Variants in ARPP21 observed in about 807,000 individuals in gnomAD.
ARPP21 encodes cAMP regulated phosphoprotein 21.
In ARPP21, 69 loss-of-function variants were observed where a neutral mutation model predicts 113.2. The observed-to-expected ratio is 0.61, with a 90% CI of 0.50 to 0.74. The LOEUF is 0.74. Among genes scored for constraint, ARPP21 ranks in the 30% least tolerant of loss-of-function variants. The probability of loss-of-function intolerance (pLI) is 0.00; values close to 1 mark genes in which losing one functional copy is unlikely to be tolerated. For synonymous variants in ARPP21, 368 were observed against 375.5 expected (o/e 0.98, Z 0.23); for missense variants, 1,070 against 1,037.4 (o/e 1.03, Z -0.43).
intron 15 of ARPP21, among the ~76,000 whole-genome samples, chr3:35,735,324 G>A (rs1293811374): frequency 6.6e-6 from 1 of 151,920 alleles, no homozygotes; most frequent in African/African-American, 2.4e-5. Context: ...GGTTGCCCAG[G>A]CTGGTCTTGA....
intron 19 of ARPP21, among the ~76,000 whole-genome samples, chr3:35,785,582 A>C (rs377591496): frequency 6.6e-6 from 1 of 152,164 alleles, no homozygotes; most frequent in African/African-American, 2.4e-5. Context: ...GGATAGTATA[A>C]TTGCAGTGAA....
intron 5 of ARPP21, chr3:35,684,253 GA>G: frequency 8.1e-7 from 1 of 1,236,772 alleles, no homozygotes; most frequent in Non-Finnish European, 1.0e-6. Flanking sequence ...TGAAACTTAG[GA>G]AATAGTGAAT....
intron 19 of ARPP21, among the ~76,000 whole-genome samples, chr3:35,767,843 A>G (rs1472472550): frequency 6.6e-6 from 1 of 152,052 alleles, no homozygotes; most frequent in African/African-American, 2.4e-5. Context: ...TGGTGGTACC[A>G]TCATAAAACC....
Position 35,739,580 on chromosome 3 carries a change from A to G in ARPP21, c.2010+3A>G. ...TGCAACAGCCTCCGCCTGCACAGGT[A>G]GGTGTGCTTCCTCATGCCTGTGACC... On this transcript the variant is annotated splice_donor_region_variant and intron_variant, in intron 18 of 20. Coordinates refer to ENST00000684406, the MANE Select transcript of ARPP21 (RefSeq NM_001385562.1). 1 of 1,607,342 alleles carries G rather than the reference A, an allele frequency of 6.2e-7. No homozygotes were observed. Among genetic ancestry groups the G allele is most frequent in the South Asian group, 1.1e-5 (1 of 90,042 alleles).
chr3:35,677,443 A>G (rs918642477), intron 1 of ARPP21, among the ~76,000 whole-genome samples: 5 of 151,936 alleles, frequency 3.3e-5, no homozygotes, highest in Admixed American at 2.0e-4. Context: ...TCTAAACTAA[A>G]GAAATAAGAA....
At chr3:35,693,762 ACTTC>A (rs1363855266) in intron 9 of ARPP21, among the ~76,000 whole-genome samples, 1 of 151,602 alleles carries the variant, frequency 6.6e-6, no homozygotes, top group Non-Finnish European at 1.5e-5. Context: ...AACCATATTA[ACTTC>A]AAAATATTTC....
At chr3:35,653,973 A>G (rs531988753) in intron 1 of ARPP21, among the ~76,000 whole-genome samples, 1 of 152,164 alleles carries the variant, frequency 6.6e-6, no homozygotes, top group African/African-American at 2.4e-5. Flanking sequence ...TAAAGTGTCA[A>G]CAAGATATAT....
At chr3:35,666,916 T>C (rs928915652) in intron 1 of ARPP21, among the ~76,000 whole-genome samples, 2 of 152,202 alleles carry the variant, frequency 1.3e-5, no homozygotes, top group African/African-American at 2.4e-5. Flanking sequence ...TCTACCCACC[T>C]GAATTGCCAC....
rs150925636 is a variant in ARPP21 at position 35,749,385 on chromosome 3, C to T, written c.2137+5420C>T. 6.8e-3 allele frequency among the ~76,000 whole-genome samples: 951 copies of T among 140,100 alleles called. 14 individuals are homozygous for T. The highest frequency in any genetic ancestry group is 0.025 in the African/African-American group (917 of 36,344). 91.9% of individuals were successfully genotyped at this position (140,100 alleles called of 152,430 possible). A position where few individuals can be genotyped will look rare whatever the true frequency, so the allele number is the denominator to read the frequency against. On this transcript the variant is annotated intron_variant, in intron 19 of 20. Transcript: ENST00000684406. ...GAAGTTTGACTTAAAAAGAAATATA[C>T]TTAGCTTCATTCTCGGCTCTCCAAA...
intron 11 of ARPP21, among the ~76,000 whole-genome samples, chr3:35,710,821 G>A (rs2090894509): frequency 6.6e-6 from 1 of 152,092 alleles, no homozygotes. Flanking sequence ...GACAAAGAGA[G>A]GTCACTGGGA....
chr3:35,731,187 G>A (rs2093932152), intron 15 of ARPP21, among the ~76,000 whole-genome samples: 1 of 152,136 alleles, frequency 6.6e-6, no homozygotes, highest in Non-Finnish European at 1.5e-5. Context: ...GCTCAACAGA[G>A]TATTTTTAGG....
Position 35,771,772 on chromosome 3 carries a change from T to C in ARPP21, c.2138-20610T>C, listed in dbSNP as rs556726552. ...AACAGTGAGACAAAGATAAATAATA[T>C]AGAAGTAGTCTCTTAAGGGAATTAT... On this transcript the variant is annotated intron_variant, in intron 19 of 20. Transcript: ENST00000684406. Among the ~76,000 whole-genome samples the C allele has an allele frequency of 3.9e-5, 6 of 152,282 alleles. No individual in the cohort carries two copies. The East Asian group carries it at 1.2e-3, about 29-fold the overall frequency.
chr3:35,709,842 C>T (rs1299871757), intron 11 of ARPP21, among the ~76,000 whole-genome samples: 1 of 152,152 alleles, frequency 6.6e-6, no homozygotes, highest in Non-Finnish European at 1.5e-5. Flanking sequence ...AGTGTGAGCT[C>T]CTTTGTAAGA....
intron 19 of ARPP21, among the ~76,000 whole-genome samples, chr3:35,782,011 T>A (rs2096536592): frequency 6.6e-6 from 1 of 152,180 alleles, no homozygotes; most frequent in Non-Finnish European, 1.5e-5. Context: ...CTTGTATTTT[T>A]TATGGCATTC....
At chr3:35,693,227 G>T (rs1559640356) in intron 9 of ARPP21, among the ~76,000 whole-genome samples, 1 of 151,560 alleles carries the variant, frequency 6.6e-6, no homozygotes, top group South Asian at 2.1e-4. Flanking sequence ...ACACCCTTTC[G>T]TGAGTCAAAG....
chr3:35,743,578 A>G (rs771424858), intron 18 of ARPP21, among the ~76,000 whole-genome samples: 1 of 90,308 alleles, frequency 1.1e-5, no homozygotes, highest in African/African-American at 3.5e-5. Flanking sequence ...CTTTAGGATC[A>G]GACTTGAAAG....
chr3:35,730,480 CAGA>C (rs1370552255), intron 15 of ARPP21, among the ~76,000 whole-genome samples: 7 of 152,168 alleles, frequency 4.6e-5, no homozygotes, highest in Non-Finnish European at 1.0e-4. Flanking sequence ...ACTTCCACAG[CAGA>C]AGATTATCCG....
chr3:35,716,399 A>G (rs148694449), intron 12 of ARPP21, among the ~76,000 whole-genome samples: 4 of 152,238 alleles, frequency 2.6e-5, no homozygotes, highest in Non-Finnish European at 5.9e-5. Flanking sequence ...ACTGGACATT[A>G]AAGATGATTG....
In ARPP21 at chr3:35,792,493, G is replaced by A. The variant is rs768923682; in HGVS notation, c.2249G>A (p.Ser750Asn). The A allele has an allele frequency of 1.9e-6, 3 of 1,614,026 alleles. No homozygotes were observed. In the African/African-American group the frequency reaches 4.0e-5, roughly 22 times the overall value. The change falls in exon 20 of 21, where the codon AGC (serine) becomes AAC (asparagine). Residue 750 changes from serine (S) to asparagine (N), a missense_variant. Coordinates refer to ENST00000684406, the MANE Select transcript of ARPP21 (RefSeq NM_001385562.1). The part of the protein sequence containing the change: ...INNQQGTPVQ[S>N]VMVSYPTMSS... ...AACCAACAAGGAACTCCGGTGCAAA[G>A]CGTGATGGTTTCCTACCCAACAATG...
Sources: allele counts gnomAD v4.1 joint callset (sites outside exome capture counted in the v4.1 genomes callset), GRCh38; gene constraint gnomAD v4.1.1; transcripts MANE v1.5; gene names NCBI Gene and HGNC (gene_info 2026-07-23, HGNC 2026-07-21).